Variants in CLMN observed in about 807,000 individuals in gnomAD.
CLMN encodes the protein calmin (calponin-like, transmembrane).
A neutral mutation model predicts 92.7 loss-of-function variants in CLMN; 57 were observed. The ratio of observed to expected loss-of-function variants is 0.61; its 90% CI spans 0.50 to 0.77. The LOEUF (loss-of-function observed/expected upper bound fraction) is 0.77, where lower values mean the gene tolerates loss of function less well. Ranked by LOEUF, CLMN falls within the 30% of genes least tolerant of loss-of-function variation. CLMN has a pLI of 0.00. For synonymous variants in CLMN, 466 were observed against 470.6 expected (o/e 0.99, Z 0.13); for missense variants, 1,158 against 1,237.5 (o/e 0.94, Z 0.96).
chr14:95,253,609 G>GTTTTT (rs796784147), intron 1 of CLMN, among the ~76,000 whole-genome samples: 1 of 112,524 alleles, frequency 8.9e-6, no homozygotes, highest in African/African-American at 3.8e-5. Flanking sequence ...GTGTTTTTTT[G>GTTTTT]TTTTTTTGTT....
chr14:95,242,046 A>C (rs1370199420), intron 1 of CLMN, among the ~76,000 whole-genome samples: 1 of 152,052 alleles, frequency 6.6e-6, no homozygotes, highest in Non-Finnish European at 1.5e-5. Flanking sequence ...TCCTGGGCAG[A>C]AACCCTGTAG....
chr14:95,294,035 G>T lies in CLMN; in HGVS notation c.82+25676C>A, dbSNP rs1240870501. ...TGACACCAAAGAGGAGGAGGAGGAG[G>T]AGGAGGCCAGAAGTCTGGCTGGAGG... On this transcript the variant is annotated intron_variant, in intron 1 of 12. Coordinates refer to ENST00000298912, the MANE Select transcript of CLMN (RefSeq NM_024734.4). The surrounding 1 kb of genome is among the most constrained non-coding windows in gnomAD (Gnocchi z 4.2). Among the ~76,000 whole-genome samples, 1 of 152,126 alleles carries T rather than the reference G, an allele frequency of 6.6e-6. No individual in the cohort carries two copies. The highest frequency in any genetic ancestry group is 6.6e-5 in the Admixed American group (1 of 15,262).
chr14:95,251,888 T>C (rs951936071), intron 1 of CLMN, among the ~76,000 whole-genome samples: 2 of 152,184 alleles, frequency 1.3e-5, no homozygotes, highest in African/African-American at 4.8e-5. Context: ...GTTCTAAACT[T>C]GGGTCCAAGG....
In CLMN at chr14:95,289,482, T is replaced by G. The variant is rs998498448; in HGVS notation, c.82+30229A>C. Among the ~76,000 whole-genome samples, 18 of 81,836 alleles carry G rather than the reference T, an allele frequency of 2.2e-4. No homozygotes were observed. The East Asian group carries it at 0.011, about 50-fold the overall frequency. 53.7% of individuals were successfully genotyped at this position (81,836 alleles called of 152,430 possible). ...CTGTCTCAAAAAATAAATAAATAAA[T>G]AAATAAATAAATAAATAAATAAATA... On this transcript the variant is annotated intron_variant, in intron 1 of 12. Transcript: ENST00000298912.
chr14:95,244,376 T>G (rs1898378451), intron 1 of CLMN, among the ~76,000 whole-genome samples: 1 of 152,188 alleles, frequency 6.6e-6, no homozygotes, highest in Non-Finnish European at 1.5e-5. Flanking sequence ...CTGAAACCTG[T>G]CACCCTCACA....
chr14:95,183,768 G>A lies in CLMN; in HGVS notation c.*7796C>T, dbSNP rs2140545229. 1 of 152,328 alleles carries A rather than the reference G, an allele frequency of 6.6e-6. No homozygotes were observed. Among genetic ancestry groups the A allele is most frequent in the East Asian group, 1.9e-4 (1 of 5,184 alleles). 9.4% of individuals were successfully genotyped at this position (152,328 alleles called of 1,614,324 possible). On this transcript the variant is annotated 3_prime_UTR_variant, in exon 13 of 13. Transcript: ENST00000298912. ...TTGGTTGCAAATTTGCAACTGCAGT[G>A]AAGTTTAGAGTGTTTGAAAATAACA...
rs74077836 is a variant in CLMN at position 95,291,920 on chromosome 14, T to A, written c.82+27791A>T. On this transcript the variant is annotated intron_variant, in intron 1 of 12. Transcript: ENST00000298912. Reference sequence around the variant, plus strand: ...GGTCAGAACACAAAGTGAAAAAAAATAGGATCCAAAATTATATACATGGTG... The same window carrying A: ...GGTCAGAACACAAAGTGAAAAAAAAAAGGATCCAAAATTATATACATGGTG... Among the ~76,000 whole-genome samples the A allele has an allele frequency of 7.9e-3, 1,207 of 152,054 alleles. 19 individuals carry two copies. Among genetic ancestry groups the A allele is most frequent in the African/African-American group, 0.028 (1,146 of 41,446 alleles).
rs115144482 is a variant in CLMN, at chr14:95,306,864, G to A, written c.82+12847C>T. 2.3e-3 allele frequency among the ~76,000 whole-genome samples: 350 copies of A among 152,230 alleles called. 1 individual carries two copies. The highest frequency in any genetic ancestry group is 8.2e-3 in the African/African-American group (340 of 41,528). On this transcript the variant is annotated intron_variant, in intron 1 of 12. Transcript: ENST00000298912. ...TTGAGGTTAAAGGAGGTAAAGAGGG[G>A]TCCTACATCCTCACCTTCTACAGTA...
rs147955605 is a variant in CLMN at position 95,272,792 on chromosome 14, T to C, written c.83-42659A>G. Among the ~76,000 whole-genome samples, 3 of 152,300 alleles carry C rather than the reference T, an allele frequency of 2.0e-5. No homozygotes were observed. The East Asian group carries it at 5.8e-4, about 29-fold the overall frequency. ...CTCAAGCTGATTAATAAAATAATTG[T>C]AAGTTGTTTCTATGCGCTCCCAAGG... On this transcript the variant is annotated intron_variant, in intron 1 of 12. Coordinates refer to ENST00000298912, the MANE Select transcript of CLMN (RefSeq NM_024734.4).
At chr14:95,278,061 T>C (rs750188845) in intron 1 of CLMN, among the ~76,000 whole-genome samples, 10 of 152,242 alleles carry the variant, frequency 6.6e-5, no homozygotes, top group Non-Finnish European at 1.5e-4. Context: ...TGACTTGCCA[T>C]CTTGAAGTTC....
chr14:95,244,415 G>A (rs987491944), intron 1 of CLMN, among the ~76,000 whole-genome samples: 2 of 152,144 alleles, frequency 1.3e-5, no homozygotes, highest in African/African-American at 4.8e-5. Flanking sequence ...AGTTGTGCCC[G>A]TTGAGTTTTC....
rs1899011780 is a variant in CLMN, at chr14:95,256,684, T to C, written c.83-26551A>G. ...GGCTAGAGTCCTTCATTTGTTCATTTCAAAACGAAACTGAACATGGCGTGT... is the reference window on the plus strand; with the variant it reads ...GGCTAGAGTCCTTCATTTGTTCATTCCAAAACGAAACTGAACATGGCGTGT... On this transcript the variant is annotated intron_variant, in intron 1 of 12. Transcript: ENST00000298912. The surrounding 1 kb of genome is among the most constrained non-coding windows in gnomAD (Gnocchi z 4.9). 6.6e-6 allele frequency among the ~76,000 whole-genome samples: 1 copy of C among 152,192 alleles called. No individual in the cohort carries two copies. The highest frequency in any genetic ancestry group is 6.5e-5 in the Admixed American group (1 of 15,282).
chr14:95,205,885 A>C (rs1329938671), intron 8 of CLMN, among the ~76,000 whole-genome samples: 2 of 152,166 alleles, frequency 1.3e-5, no homozygotes, highest in Non-Finnish European at 2.9e-5. Flanking sequence ...ATCCCCAAAA[A>C]GTTAAGAAGG....
chr14:95,310,329 C>A (rs1222090136), intron 1 of CLMN, among the ~76,000 whole-genome samples: 1 of 152,238 alleles, frequency 6.6e-6, no homozygotes, highest in Non-Finnish European at 1.5e-5. Flanking sequence ...CCTGCAGCAG[C>A]ACTGCTCTCA....
rs146044740 is a variant in CLMN, at chr14:95,196,639, G to T, written c.2567C>A (p.Thr856Lys). Residue 856 changes from threonine (T) to lysine (K), a missense_variant, in exon 10 of 13, where the codon ACG (threonine) becomes AAG (lysine). Transcript: ENST00000298912. ...NIANPLEENV[T>K]KESISSKKKE... ...TTTTTTACTACTGATTGATTCTTTC[G>T]TTACATTTTCTTCTAGGGGGTTTGC... 1 of 1,613,676 alleles carries T rather than the reference G, an allele frequency of 6.2e-7. No individual in the cohort carries two copies. The highest frequency in any genetic ancestry group is 1.7e-5 in the Admixed American group (1 of 59,944).
At chr14:95,285,103 T>G (rs554043169) in intron 1 of CLMN, among the ~76,000 whole-genome samples, 1 of 152,296 alleles carries the variant, frequency 6.6e-6, no homozygotes, top group East Asian at 1.9e-4. Context: ...TTTGATGGGT[T>G]TATCAAAGGT....
intron 2 of CLMN, among the ~76,000 whole-genome samples, chr14:95,228,705 C>T (rs568246013): frequency 6.6e-6 from 1 of 152,304 alleles, no homozygotes; most frequent in East Asian, 1.9e-4. Context: ...GACAGGGTCT[C>T]GCTCTGCCGC....
chr14:95,302,503 A>G (rs1162700161), intron 1 of CLMN, among the ~76,000 whole-genome samples: 1 of 152,196 alleles, frequency 6.6e-6, no homozygotes, highest in Non-Finnish European at 1.5e-5. Flanking sequence ...AACAATATAT[A>G]TATTTTTAAT....
intron 1 of CLMN, among the ~76,000 whole-genome samples, chr14:95,263,349 A>G (rs1442237995): frequency 6.6e-6 from 1 of 152,136 alleles, no homozygotes; most frequent in East Asian, 1.9e-4. Flanking sequence ...CCCATGATTC[A>G]ATTACCTCCC....
Sources: gnomAD v4.1 joint callset for allele counts (sites outside exome capture counted in the v4.1 genomes callset) on GRCh38, gnomAD v4.1.1 for gene constraint, Gnocchi (gnomAD v3.1) non-coding constraint, MANE v1.5 for transcripts, NCBI Gene and HGNC (gene_info 2026-07-23, HGNC 2026-07-21) for gene names.